Variants in PTPRJ observed in about 807,000 individuals in gnomAD.
PTPRJ encodes protein tyrosine phosphatase receptor type J, also known as receptor-type tyrosine-protein phosphatase eta.
Under a neutral mutation model 141.3 loss-of-function variants are expected in PTPRJ, and 129 were observed. That is an observed-to-expected ratio of 0.91 (90% confidence interval 0.79 to 1.06). The LOEUF (loss-of-function observed/expected upper bound fraction) is 1.06, where lower values mean the gene tolerates loss of function less well. PTPRJ is among the 50% of genes least tolerant of loss of function. The pLI is 0.00. For missense variants in PTPRJ, 1,601 were observed against 1,679.7 expected (o/e 0.95, Z 0.82); for synonymous variants, 610 against 640.5 (o/e 0.95, Z 0.72).
At chr11:48,060,121 C>A (rs544735330) in intron 1 of PTPRJ, among the ~76,000 whole-genome samples, 7 of 151,990 alleles carry the variant, frequency 4.6e-5, no homozygotes, top group Admixed American at 1.3e-4. Context: ...ATCACACTTT[C>A]GAAAGTGAAG....
intron 2 of PTPRJ, among the ~76,000 whole-genome samples, chr11:48,111,871 G>A (rs1856451193): frequency 6.6e-6 from 1 of 152,092 alleles, no homozygotes; most frequent in South Asian, 2.1e-4. Context: ...CATAACAGCT[G>A]GGGAGGAGGC....
intron 5 of PTPRJ, among the ~76,000 whole-genome samples, chr11:48,124,221 A>G (rs147939634): frequency 6.6e-6 from 1 of 152,278 alleles, no homozygotes; most frequent in East Asian, 1.9e-4. Context: ...TGGCGTTGTC[A>G]TTTGCAGGTT....
rs770215254 is a variant in PTPRJ, at chr11:48,123,812, G to C, written c.816G>C (p.Pro272=). 1.2e-6 allele frequency: 2 copies of C among 1,614,028 alleles called. No individual in the cohort carries two copies. Among genetic ancestry groups the C allele is most frequent in the Admixed American group, 1.7e-5 (1 of 60,014 alleles). ...LKPGVQYNIN[P]YLLQSNKTKG... ...CAGGGGTTCAATACAACATCAACCCGTATCTTCTACAATCAAATAAGACAA... is the reference window on the plus strand; with the variant it reads ...CAGGGGTTCAATACAACATCAACCCCTATCTTCTACAATCAAATAAGACAA... The change falls in exon 5 of 25, where the codon CCG becomes CCC. Residue 272 remains proline, a synonymous_variant. Coordinates refer to ENST00000418331, the MANE Select transcript of PTPRJ (RefSeq NM_002843.4).
chr11:48,093,523 A>G (rs188298171), intron 1 of PTPRJ, among the ~76,000 whole-genome samples: 1 of 152,332 alleles, frequency 6.6e-6, no homozygotes, highest in African/African-American at 2.4e-5. Flanking sequence ...TTAAACTTTT[A>G]CCATTTGCAA....
At chr11:48,019,245 G>A (rs1281287151) in intron 1 of PTPRJ, among the ~76,000 whole-genome samples, 1 of 152,140 alleles carries the variant, frequency 6.6e-6, no homozygotes, top group Non-Finnish European at 1.5e-5. Flanking sequence ...TATAACAACA[G>A]AAGAGGATTT....
chr11:48,132,176 A>G, intron 8 of PTPRJ: 2 of 985,462 alleles, frequency 2.0e-6, no homozygotes, highest in Non-Finnish European at 2.4e-6. Context: ...GACTGTTCAC[A>G]GTCTTTCCTA....
In PTPRJ at chr11:48,092,483, G is replaced by A. The variant is rs142847165; in HGVS notation, c.97-17575G>A. Among the ~76,000 whole-genome samples the A allele has an allele frequency of 3.6e-3, 546 of 151,606 alleles. 5 individuals carry two copies. Among genetic ancestry groups the A allele is most frequent in the African/African-American group, 0.013 (523 of 41,322 alleles). On this transcript the variant is annotated intron_variant, in intron 1 of 24. Coordinates refer to ENST00000418331, the MANE Select transcript of PTPRJ (RefSeq NM_002843.4). Reference sequence around the variant, plus strand: ...CTTGCTCTGTTGCCCAGGCTGGAGTGCAGTGGCGAGATCTTGGCTCACTGC... The same window carrying A: ...CTTGCTCTGTTGCCCAGGCTGGAGTACAGTGGCGAGATCTTGGCTCACTGC...
intron 8 of PTPRJ, among the ~76,000 whole-genome samples, chr11:48,133,456 A>G (rs2134355573): frequency 6.6e-6 from 1 of 152,328 alleles, no homozygotes; most frequent in East Asian, 1.9e-4. Context: ...AAAGTCAAGA[A>G]GGCTTGCTAT....
At chr11:48,094,095 T>A (rs1855942656) in intron 1 of PTPRJ, among the ~76,000 whole-genome samples, 1 of 152,244 alleles carries the variant, frequency 6.6e-6, no homozygotes, top group Non-Finnish European at 1.5e-5. Flanking sequence ...TAGCATTTAC[T>A]CTTTCTTAAT....
intron 9 of PTPRJ, among the ~76,000 whole-genome samples, 181 bp downstream of exon 9, chr11:48,136,477 A>G (rs989813744): frequency 1.3e-5 from 2 of 152,226 alleles, no homozygotes; most frequent in South Asian, 2.1e-4. Flanking sequence ...TCTTCAAGCT[A>G]TGTGAACTTA....
chr11:48,031,958 G>C (rs560632516), intron 1 of PTPRJ, among the ~76,000 whole-genome samples: 1 of 152,174 alleles, frequency 6.6e-6, no homozygotes, highest in African/African-American at 2.4e-5. Flanking sequence ...CCCCGTCAAC[G>C]TTAGAGCTTA....
chr11:48,021,420 TA>T (rs375379344), intron 1 of PTPRJ, among the ~76,000 whole-genome samples: 10,720 of 95,516 alleles, frequency 0.11, 434 homozygotes, highest in African/African-American at 0.24. Context: ...AATAAATAAA[TA>T]AAATAAAATA....
chr11:48,018,618 A>T (rs2134209257), intron 1 of PTPRJ, among the ~76,000 whole-genome samples: 2 of 152,342 alleles, frequency 1.3e-5, no homozygotes, highest in East Asian at 3.9e-4. Flanking sequence ...AGAAACAGTC[A>T]CAAGAGAAGC....
intron 1 of PTPRJ, among the ~76,000 whole-genome samples, chr11:48,087,807 T>C (rs957562875): frequency 2.0e-5 from 3 of 152,242 alleles, no homozygotes; most frequent in African/African-American, 7.2e-5. Context: ...TAAGATGATT[T>C]GGATTAGGAA....
At chr11:48,011,387 C>T (rs1169764188) in intron 1 of PTPRJ, among the ~76,000 whole-genome samples, 3 of 152,142 alleles carry the variant, frequency 2.0e-5, no homozygotes, top group Non-Finnish European at 4.4e-5. Context: ...ACTTACTAGA[C>T]GGGTACTCTT....
rs151098057 is a variant in PTPRJ, at chr11:48,130,131, C to T, written c.1358-328C>T. On this transcript the variant is annotated intron_variant, in intron 7 of 24. Coordinates refer to ENST00000418331, the MANE Select transcript of PTPRJ (RefSeq NM_002843.4). The stretch of plus-strand genomic sequence containing the variant: ...CAGAGGCTCTGGGAGGCTAGTAATG[C>T]ATTCGAGATAAAGCAGCCAGTGTGG... Among the ~76,000 whole-genome samples, 84 of 150,804 alleles carry T rather than the reference C, an allele frequency of 5.6e-4. 2 individuals carry two copies. The East Asian group carries it at 0.016, about 28-fold the overall frequency.
intron 1 of PTPRJ, among the ~76,000 whole-genome samples, chr11:48,019,505 A>G (rs1855051879): frequency 6.6e-6 from 1 of 152,146 alleles, no homozygotes; most frequent in Non-Finnish European, 1.5e-5. Context: ...TAGAAAGTAC[A>G]ATATAATGAC....
chr11:48,075,022 C>T (rs983525556), intron 1 of PTPRJ, among the ~76,000 whole-genome samples: 1 of 152,166 alleles, frequency 6.6e-6, no homozygotes, highest in Non-Finnish European at 1.5e-5. Flanking sequence ...GGGTGTATAC[C>T]AGCTGAGACA....
At position 48,095,967 on chromosome 11, in the gene PTPRJ, GA is replaced by G. The variant is rs751676223; in HGVS notation, c.97-14088del. ...CACATTGCTCCCCCATGAATATGTG[GA>G]AACTGACACTTCAGGAGAATTGGTG... On this transcript the variant is annotated intron_variant, in intron 1 of 24. Transcript: ENST00000418331. Among the ~76,000 whole-genome samples, 559 of 152,300 alleles carry G rather than the reference GA, an allele frequency of 3.7e-3. 5 individuals are homozygous for G. The highest frequency in any genetic ancestry group is 0.013 in the African/African-American group (535 of 41,550).
Sources: gnomAD v4.1 joint callset for allele counts (sites outside exome capture counted in the v4.1 genomes callset) on GRCh38, gnomAD v4.1.1 for gene constraint, MANE v1.5 for transcripts, NCBI Gene and HGNC (gene_info 2026-07-23, HGNC 2026-07-21) for gene names.